The following MAGI2 variants were observed in gnomAD, a reference collection of about 807,000 sequenced individuals.
MAGI2 encodes the protein membrane associated guanylate kinase, WW and PDZ domain containing 2.
MAGI2 carries 35 observed loss-of-function variants against 133.3 expected under a neutral mutation model. That is an observed-to-expected ratio of 0.26 (90% CI 0.20 to 0.35). The LOEUF (loss-of-function observed/expected upper bound fraction) is 0.35. Among genes scored for constraint, MAGI2 ranks in the 10% least tolerant of loss-of-function variants. The pLI, the probability that MAGI2 is intolerant of heterozygous loss-of-function variation, is 1.00. For synonymous variants in MAGI2, 729 were observed against 710.6 expected, an observed-to-expected ratio of 1.03 and a Z score of -0.41; for missense variants, 1,636 against 1,863.4, an observed-to-expected ratio of 0.88 and a Z score of 2.25.
At chr7:78,366,196 C>A (rs7791883) in intron 7 of MAGI2, among the ~76,000 whole-genome samples, 124,042 of 152,104 alleles carry the variant, frequency 0.82, 50,684 homozygotes, top group Admixed American at 0.85. Flanking sequence ...TATATTAACA[C>A]AAAAGATATT....
intron 2 of MAGI2, among the ~76,000 whole-genome samples, chr7:78,898,935 T>C (rs1044607747): frequency 6.6e-6 from 1 of 152,184 alleles, no homozygotes; most frequent in Admixed American, 6.5e-5. Context: ...TAATAATATG[T>C]TATTGCACGT....
At chr7:78,681,603 G>T (rs530643540) in intron 2 of MAGI2, among the ~76,000 whole-genome samples, 1 of 151,840 alleles carries the variant, frequency 6.6e-6, no homozygotes, top group Non-Finnish European at 1.5e-5. Context: ...TCAGAACATC[G>T]ATCTGTAATA....
chr7:78,546,688 CTCT>C (rs1798874272), intron 3 of MAGI2, among the ~76,000 whole-genome samples: 2 of 152,038 alleles, frequency 1.3e-5, no homozygotes, highest in African/African-American at 4.8e-5. Flanking sequence ...CTCTCTCTCT[CTCT>C]CTCTCTCTCT....
intron 1 of MAGI2, among the ~76,000 whole-genome samples, chr7:79,121,539 T>G (rs1045002932): frequency 6.6e-6 from 1 of 152,126 alleles, no homozygotes; most frequent in Admixed American, 6.6e-5. Flanking sequence ...TTATGTATCA[T>G]CCCATGGTAA....
rs534702102 is a variant in MAGI2, at chr7:78,391,765, T to C, written c.1046-22552A>G. ...TTATGATAATGCCATCTTTCCCCTA[T>C]AAAGATGACACTATTGGCATCACCT... On this transcript the variant is annotated intron_variant, in intron 6 of 21. Coordinates refer to ENST00000354212, the MANE Select transcript of MAGI2 (RefSeq NM_012301.4). 6.6e-5 allele frequency among the ~76,000 whole-genome samples: 10 copies of C among 152,314 alleles called. No homozygotes were observed. In the South Asian group the frequency reaches 2.1e-3, roughly 32 times the overall value.
At chr7:79,153,641 G>C (rs944551812) in intron 1 of MAGI2, among the ~76,000 whole-genome samples, 6 of 152,216 alleles carry the variant, frequency 3.9e-5, no homozygotes, top group Non-Finnish European at 8.8e-5. Context: ...GTGGGCAAAA[G>C]TATGGCTAGG....
intron 1 of MAGI2, among the ~76,000 whole-genome samples, chr7:79,352,687 T>G (rs1841769663): frequency 6.6e-6 from 1 of 152,156 alleles, no homozygotes; most frequent in Non-Finnish European, 1.5e-5. Context: ...AAAGAAGGTA[T>G]AGTAACCATT....
chr7:78,675,792 T>G (rs1243316726), intron 2 of MAGI2, among the ~76,000 whole-genome samples: 1 of 152,146 alleles, frequency 6.6e-6, no homozygotes, highest in Non-Finnish European at 1.5e-5. Flanking sequence ...TCATCCTTCT[T>G]GTTTTCCAAA....
chr7:79,200,899 A>G lies in MAGI2; in HGVS notation c.302-193693T>C, dbSNP rs1208507353. Reference sequence around the variant, plus strand: ...TCAATAGCAGGCAAAATAGAAGGTGACCAATTAGATATAAATTGAGAGGCT... The same window carrying G: ...TCAATAGCAGGCAAAATAGAAGGTGGCCAATTAGATATAAATTGAGAGGCT... On this transcript the variant is annotated intron_variant, in intron 1 of 21. Transcript: ENST00000354212. 2.0e-5 allele frequency among the ~76,000 whole-genome samples: 3 copies of G among 152,134 alleles called. No individual in the cohort carries two copies. In the East Asian group the frequency reaches 5.8e-4, roughly 29 times the overall value.
chr7:79,052,739 A>G (rs1348312326), intron 1 of MAGI2, among the ~76,000 whole-genome samples: 1 of 152,238 alleles, frequency 6.6e-6, no homozygotes, highest in Non-Finnish European at 1.5e-5. Flanking sequence ...ATATTTACAC[A>G]TTATAAGACT....
chr7:78,989,589 T>C (rs1805564255), intron 2 of MAGI2, among the ~76,000 whole-genome samples: 1 of 152,100 alleles, frequency 6.6e-6, no homozygotes, highest in Non-Finnish European at 1.5e-5. Context: ...TGCATCTTTT[T>C]CTACTCTTTC....
intron 1 of MAGI2, among the ~76,000 whole-genome samples, chr7:79,114,529 C>CCCA (rs1819223600): frequency 1.3e-5 from 2 of 152,084 alleles, no homozygotes; most frequent in South Asian, 4.1e-4. Flanking sequence ...AGAAAATACC[C>CCCA]CCATTTGAGA....
chr7:78,067,556 T>G (rs1813966549), intron 21 of MAGI2, among the ~76,000 whole-genome samples: 1 of 152,212 alleles, frequency 6.6e-6, no homozygotes, highest in African/African-American at 2.4e-5. Flanking sequence ...CAGGTTATTT[T>G]GAAAGCAAAT....
At chr7:78,857,365 T>A (rs1793746410) in intron 2 of MAGI2, among the ~76,000 whole-genome samples, 1 of 152,220 alleles carries the variant, frequency 6.6e-6, no homozygotes, top group East Asian at 1.9e-4. Flanking sequence ...TTTTTGCCCA[T>A]TCAGTATGAT....
At chr7:79,117,859 C>T (rs1819544273) in intron 1 of MAGI2, among the ~76,000 whole-genome samples, 2 of 152,108 alleles carry the variant, frequency 1.3e-5, no homozygotes, top group Admixed American at 6.5e-5. Flanking sequence ...ACTGTAAAAC[C>T]CTGAAATACA....
chr7:78,373,853 G>C (rs186373074), intron 6 of MAGI2, among the ~76,000 whole-genome samples: 1 of 152,174 alleles, frequency 6.6e-6, no homozygotes, highest in Middle Eastern at 3.4e-3. Flanking sequence ...TGCAATATTT[G>C]ATTTTCTCTT....
At chr7:78,573,247 A>ATATAT (rs1801794540) in intron 3 of MAGI2, among the ~76,000 whole-genome samples, 11 of 44,834 alleles carry the variant, frequency 2.5e-4, no homozygotes, top group Non-Finnish European at 3.3e-4. Context: ...TATATATATA[A>ATATAT]ATATATATAA....
At chr7:79,021,559 C>T (rs189971557) in intron 1 of MAGI2, among the ~76,000 whole-genome samples, 5 of 152,276 alleles carry the variant, frequency 3.3e-5, no homozygotes, top group Non-Finnish European at 7.3e-5. Context: ...TTGCATGGGG[C>T]CGGTAGCCCT....
At chr7:78,161,190 T>C (rs890836395) in intron 15 of MAGI2, among the ~76,000 whole-genome samples, 1 of 152,118 alleles carries the variant, frequency 6.6e-6, no homozygotes, top group Non-Finnish European at 1.5e-5. Flanking sequence ...ACTAATACTT[T>C]CATGAGAAAA....
Sources: allele counts gnomAD v4.1 joint callset (sites outside exome capture counted in the v4.1 genomes callset), GRCh38; gene constraint gnomAD v4.1.1; transcripts MANE v1.5; gene names NCBI Gene and HGNC (gene_info 2026-07-23, HGNC 2026-07-21).